Variants in SRGAP1 observed in about 807,000 individuals in gnomAD.
SRGAP1 encodes the protein SLIT-ROBO Rho GTPase activating protein 1.
In SRGAP1, 43 loss-of-function variants were observed where a neutral mutation model predicts 121.9. The observed-to-expected ratio is 0.35, with a 90% CI of 0.28 to 0.46. The LOEUF (loss-of-function observed/expected upper bound fraction) is 0.46, where lower values mean the gene tolerates loss of function less well. Among genes scored for constraint, SRGAP1 ranks in the 20% least tolerant of loss-of-function variants. The pLI is 1.00. For missense variants in SRGAP1, 1,102 were observed against 1,350.9 expected, an observed-to-expected ratio of 0.82 and a Z score of 2.89; for synonymous variants, 447 against 485.4, an observed-to-expected ratio of 0.92 and a Z score of 1.04.
At chr12:63,871,338 C>T (rs1288047911) in intron 1 of SRGAP1, among the ~76,000 whole-genome samples, 7 of 152,074 alleles carry the variant, frequency 4.6e-5, no homozygotes, top group African/African-American at 7.2e-5. Context: ...AATTATAAAG[C>T]GCCTTTTCAT....
intron 1 of SRGAP1, among the ~76,000 whole-genome samples, chr12:63,964,656 A>G (rs1445474715): frequency 6.6e-6 from 1 of 152,190 alleles, no homozygotes; most frequent in Non-Finnish European, 1.5e-5. Context: ...TTACATCCCA[A>G]GAACAGCTCA....
At chr12:63,992,667 ACACACACACACACACACAC>A (rs2033587252) in intron 3 of SRGAP1, among the ~76,000 whole-genome samples, 1 of 7,142 alleles carries the variant, frequency 1.4e-4, no homozygotes, top group African/African-American at 2.3e-4. Flanking sequence ...AAATACACAC[ACACACACACACACACACAC>A]ACACACACAC....
At chr12:63,877,093 C>T (rs1189685032) in intron 1 of SRGAP1, among the ~76,000 whole-genome samples, 2 of 152,136 alleles carry the variant, frequency 1.3e-5, no homozygotes, top group African/African-American at 4.8e-5. Context: ...AGCATGGTGG[C>T]ATGCGCCTGT....
In SRGAP1 at chr12:64,109,055, C is replaced by A; in HGVS notation, c.1919+18C>A. 1 of 1,460,966 alleles carries A rather than the reference C, an allele frequency of 6.8e-7. No homozygotes were observed. Among genetic ancestry groups the A allele is most frequent in the Non-Finnish European group, 9.3e-7 (1 of 1,072,988 alleles). 90.5% of individuals were successfully genotyped at this position (1,460,966 alleles called of 1,614,324 possible). Reference sequence around the variant, plus strand: ...CTCAATCAGTAAGTACCTGAATGCTCTGACAAAAGGCCCATCTGAATTCTG... The same window carrying A: ...CTCAATCAGTAAGTACCTGAATGCTATGACAAAAGGCCCATCTGAATTCTG... On this transcript the variant is annotated intron_variant, in intron 16 of 21. Coordinates refer to ENST00000355086, the MANE Select transcript of SRGAP1 (RefSeq NM_020762.4).
intron 18 of SRGAP1, among the ~76,000 whole-genome samples, chr12:64,122,047 G>C (rs1418850457): frequency 6.6e-6 from 1 of 152,146 alleles, no homozygotes; most frequent in African/African-American, 2.4e-5. Context: ...CAAGGACAGT[G>C]GGTAACAGAT....
rs59679383 is a variant in SRGAP1 at position 64,069,009 on chromosome 12, CA to C, written c.1125+3803del. 5.2e-3 allele frequency among the ~76,000 whole-genome samples: 732 copies of C among 141,176 alleles called. 4 individuals are homozygous for C. Among genetic ancestry groups the C allele is most frequent in the African/African-American group, 0.018 (682 of 37,898 alleles). 92.6% of individuals were successfully genotyped at this position (141,176 alleles called of 152,430 possible). ...TGGGCAACAGTGCAAGACTCTGTCT[CA>C]AAAAAAAAAAAATGTGTGTATATAT... On this transcript the variant is annotated intron_variant, in intron 8 of 21. Transcript: ENST00000355086.
chr12:64,129,068 A>G (rs2036743952), intron 21 of SRGAP1, among the ~76,000 whole-genome samples: 1 of 152,012 alleles, frequency 6.6e-6, no homozygotes, highest in African/African-American at 2.4e-5. Context: ...GTTTGAGACA[A>G]GCCTGGTCAA....
intron 1 of SRGAP1, among the ~76,000 whole-genome samples, chr12:63,934,235 G>A (rs1261214241): frequency 1.3e-5 from 2 of 152,118 alleles, no homozygotes; most frequent in Non-Finnish European, 2.9e-5. Flanking sequence ...CCATTGTGTT[G>A]CTTCAGCTGT....
At position 63,953,504 on chromosome 12, in the gene SRGAP1, G is replaced by A. The variant is rs2032363993; in HGVS notation, c.68-30443G>A. 3.3e-5 allele frequency among the ~76,000 whole-genome samples: 5 copies of A among 150,376 alleles called. No homozygotes were observed. The South Asian group carries it at 1.1e-3, about 32-fold the overall frequency. On this transcript the variant is annotated intron_variant, in intron 1 of 21. Coordinates refer to ENST00000355086, the MANE Select transcript of SRGAP1 (RefSeq NM_020762.4). ...TGCAACCTCTGCCTCCCAGGCTCAA[G>A]CGATCCTTCCACTTTAGCCTCCCGA...
chr12:64,109,277 TAAAA>T (rs906042834), intron 16 of SRGAP1, among the ~76,000 whole-genome samples: 5 of 151,340 alleles, frequency 3.3e-5, no homozygotes, highest in Admixed American at 3.3e-4. Flanking sequence ...TAAATATTAC[TAAAA>T]AAAAACCACA....
intron 14 of SRGAP1, among the ~76,000 whole-genome samples, chr12:64,096,112 GA>G (rs1255315766): frequency 6.6e-6 from 1 of 152,180 alleles, no homozygotes; most frequent in Non-Finnish European, 1.5e-5. Flanking sequence ...AGGGTAAGCT[GA>G]AATATGGTAA....
At chr12:63,952,764 G>A (rs1402976036) in intron 1 of SRGAP1, among the ~76,000 whole-genome samples, 1 of 152,060 alleles carries the variant, frequency 6.6e-6, no homozygotes, top group Non-Finnish European at 1.5e-5. Flanking sequence ...TAAACTAATA[G>A]GGAGGAAGGG....
chr12:64,023,000 C>T (rs1444746907), intron 4 of SRGAP1, among the ~76,000 whole-genome samples: 3 of 151,922 alleles, frequency 2.0e-5, no homozygotes, highest in East Asian at 1.9e-4. Context: ...GCCTGTCACA[C>T]GGTAAATGTT....
intron 1 of SRGAP1, among the ~76,000 whole-genome samples, chr12:63,935,752 A>C (rs1417317619): frequency 6.6e-6 from 1 of 152,212 alleles, no homozygotes; most frequent in Non-Finnish European, 1.5e-5. Flanking sequence ...ACCTCTTCCT[A>C]ATCCTCCAAA....
intron 8 of SRGAP1, among the ~76,000 whole-genome samples, chr12:64,073,054 C>T (rs11175249): frequency 0.12 from 17,965 of 152,174 alleles, 1,271 homozygotes; most frequent in South Asian, 0.31. Context: ...TGGGGAGGTA[C>T]TTCAAGGCTC....
At chr12:64,135,861 T>C in intron 21 of SRGAP1, among the ~76,000 whole-genome samples, 1 of 152,182 alleles carries the variant, frequency 6.6e-6, no homozygotes, top group Admixed American at 6.5e-5. Flanking sequence ...GGTGAGTTTA[T>C]TATTAACTCA....
intron 1 of SRGAP1, among the ~76,000 whole-genome samples, chr12:63,865,220 G>T (rs1899584535): frequency 6.6e-6 from 1 of 152,164 alleles, no homozygotes; most frequent in South Asian, 2.1e-4. Context: ...ACTTTGGGAG[G>T]CTGAGGCGGG....
At chr12:63,949,293 G>C in intron 1 of SRGAP1, among the ~76,000 whole-genome samples, 1 of 138,730 alleles carries the variant, frequency 7.2e-6, no homozygotes, top group African/African-American at 2.7e-5. Context: ...TCTTTTATAA[G>C]TACCCTTTAA....
At chr12:64,047,415 T>A (rs1296648823) in intron 6 of SRGAP1, among the ~76,000 whole-genome samples, 4 of 152,204 alleles carry the variant, frequency 2.6e-5, no homozygotes, top group African/African-American at 9.6e-5. Context: ...TCTAGAATTC[T>A]TCATGCTTTG....
Sources: allele counts gnomAD v4.1 joint callset (sites outside exome capture counted in the v4.1 genomes callset), GRCh38; gene constraint gnomAD v4.1.1; transcripts MANE v1.5; gene names NCBI Gene and HGNC (gene_info 2026-07-23, HGNC 2026-07-21).